ABRAXAS1: variants seen among roughly 807,000 people sequenced by gnomAD.
ABRAXAS1 encodes the protein BRCA1-A complex subunit Abraxas 1.
In ABRAXAS1, 26 loss-of-function variants were observed where a neutral mutation model predicts 38.4. The observed-to-expected ratio is 0.68, with a 90% CI of 0.50 to 0.94. The LOEUF (loss-of-function observed/expected upper bound fraction) is 0.94. ABRAXAS1 is among the 40% of genes least tolerant of loss of function. ABRAXAS1 has a pLI of 0.00. For missense variants in ABRAXAS1, 438 were observed against 481.9 expected (o/e 0.91, Z 0.85); for synonymous variants, 144 against 165.5 (o/e 0.87, Z 1.00).
rs772340810 is a variant in ABRAXAS1, at chr4:83,485,031, C to A, written c.42G>T (p.Val14=). ...ESTSAVLSGF[V]LGALAFQHLN... is the part of the protein sequence containing the mutation. ...GGTGCTGGAAAGCGAGTGCGCCGAG[C>A]ACAAAGCCCGAGAGCACCGCCGACG... The change falls in exon 1 of 9, where the codon GTG becomes GTT. Residue 14 remains valine, a synonymous_variant. Coordinates refer to ENST00000321945, the MANE Select transcript of ABRAXAS1 (RefSeq NM_139076.3). The A allele has an allele frequency of 6.3e-7, 1 of 1,596,828 alleles. No homozygotes were observed. The highest frequency in any genetic ancestry group is 1.7e-5 in the Admixed American group (1 of 58,776).
chr4:83,468,750 G>A (rs2110038414), intron 6 of ABRAXAS1, among the ~76,000 whole-genome samples: 1 of 152,072 alleles, frequency 6.6e-6, no homozygotes, highest in African/African-American at 2.4e-5. Flanking sequence ...GTGTTGCCCA[G>A]GCTAGTCTCC....
Position 83,467,280 on chromosome 4 carries a change from C to T in ABRAXAS1, c.681+174G>A, listed in dbSNP as rs1318740091. Reference sequence around the variant, plus strand: ...ATAGGTTTGTGTAAGTATATGTTTGCACAATGATAAAACTGCCTAATGACA... The same window carrying T: ...ATAGGTTTGTGTAAGTATATGTTTGTACAATGATAAAACTGCCTAATGACA... On this transcript the variant is annotated intron_variant, in intron 7 of 8. Transcript: ENST00000321945. 5.9e-6 allele frequency: 3 copies of T among 509,358 alleles called. No individual in the cohort carries two copies. In the African/African-American group the frequency reaches 6.1e-5, roughly 10 times the overall value. The allele number at this position is 509,358 out of a possible 1,614,324, so 31.6% of individuals were successfully genotyped here. A position where few individuals can be genotyped will look rare whatever the true frequency, so the allele number is the denominator to read the frequency against.
chr4:83,469,268 C>A, intron 5 of ABRAXAS1, 117 bp from the exon 6 acceptor site: 1 of 834,958 alleles, frequency 1.2e-6, no homozygotes, highest in Non-Finnish European at 1.9e-6. Context: ...CCCCAAAACC[C>A]ATTCTTTACT....
intron 2 of ABRAXAS1, 104 bp from the exon 3 acceptor site, chr4:83,476,783 T>C (rs1722786681): frequency 1.5e-6 from 1 of 670,004 alleles, no homozygotes; most frequent in Non-Finnish European, 2.6e-6. Context: ...ACTTTACCAC[T>C]GATTATCTGA....
intron 7 of ABRAXAS1, among the ~76,000 whole-genome samples, chr4:83,464,297 C>A (rs1221464678): frequency 6.6e-6 from 1 of 152,202 alleles, no homozygotes; most frequent in Non-Finnish European, 1.5e-5. Flanking sequence ...GACTATCTTA[C>A]TATTACGAAA....
In ABRAXAS1 at chr4:83,465,241, A is replaced by G. The variant is rs59326607; in HGVS notation, c.682-1633T>C. On this transcript the variant is annotated intron_variant, in intron 7 of 8. Coordinates refer to ENST00000321945, the MANE Select transcript of ABRAXAS1 (RefSeq NM_139076.3). Reference sequence around the variant, plus strand: ...AACCAGGGAGGCGGAGGTTACAGTGAGCCAAGATCATGCCATTCATTGCAC... The same window carrying G: ...AACCAGGGAGGCGGAGGTTACAGTGGGCCAAGATCATGCCATTCATTGCAC... Among the ~76,000 whole-genome samples the G allele has an allele frequency of 9.2e-3, 1,338 of 145,234 alleles. 18 individuals are homozygous for G. The highest frequency in any genetic ancestry group is 0.032 in the African/African-American group (1,260 of 39,950).
intron 2 of ABRAXAS1, chr4:83,480,194 C>G: frequency 4.2e-6 from 1 of 240,930 alleles, no homozygotes; most frequent in Non-Finnish European, 8.5e-6. Context: ...CATGGTGAAA[C>G]CCCATCTCTA....
rs1361215787 is a variant in ABRAXAS1, at chr4:83,462,266, G to A, written c.*203C>T. 1 of 536,164 alleles carries A rather than the reference G, an allele frequency of 1.9e-6. No individual in the cohort carries two copies. Among genetic ancestry groups the A allele is most frequent in the Non-Finnish European group, 3.3e-6 (1 of 306,706 alleles). 33.2% of individuals were successfully genotyped at this position (536,164 alleles called of 1,614,324 possible). ...CAACTTAGTGAAAGGTGAAAAAAAG[G>A]TTTGGAAATAAAAGCATCTGATGTT... On this transcript the variant is annotated 3_prime_UTR_variant, in exon 9 of 9. Coordinates refer to ENST00000321945, the MANE Select transcript of ABRAXAS1 (RefSeq NM_139076.3).
chr4:83,467,656 C>G (rs1332482043), intron 6 of ABRAXAS1, 118 bp from the exon 7 acceptor site: 12 of 617,428 alleles, frequency 1.9e-5, no homozygotes, highest in Non-Finnish European at 2.9e-5. Flanking sequence ...TTGTAGGAAC[C>G]ATAATTTTGT....
At chr4:83,473,102 A>C (rs1722642675) in intron 3 of ABRAXAS1, among the ~76,000 whole-genome samples, 1 of 151,920 alleles carries the variant, frequency 6.6e-6, no homozygotes, top group Non-Finnish European at 1.5e-5. Context: ...AATGTGGCAA[A>C]ACCCTGTCTA....
chr4:83,460,775 G>A lies in ABRAXAS1; in HGVS notation c.*1694C>T. On this transcript the variant is annotated 3_prime_UTR_variant, in exon 9 of 9. Coordinates refer to ENST00000321945, the MANE Select transcript of ABRAXAS1 (RefSeq NM_139076.3). ...AAAAAAATTATCCGGGTGTGGCGGT[G>A]CATGCCTGTAATTCCAGTTACTAAG... is the stretch of plus-strand genomic sequence containing the variant. 5.6e-6 allele frequency: 3 copies of A among 536,366 alleles called. No individual in the cohort carries two copies. The highest frequency in any genetic ancestry group is 1.0e-5 in the Non-Finnish European group (3 of 297,336). 33.2% of individuals were successfully genotyped at this position (536,366 alleles called of 1,614,324 possible).
intron 7 of ABRAXAS1, among the ~76,000 whole-genome samples, chr4:83,465,004 A>G (rs886394989): frequency 6.6e-6 from 1 of 152,192 alleles, no homozygotes; most frequent in Non-Finnish European, 1.5e-5. Context: ...ACTGCCATTA[A>G]AAATAAAGAG....
intron 5 of ABRAXAS1, chr4:83,469,957 T>G (rs1341877235): frequency 2.9e-6 from 1 of 345,050 alleles, no homozygotes; most frequent in Non-Finnish European, 5.2e-6. Context: ...CCACCTTAAG[T>G]AGTAAATAAG....
intron 3 of ABRAXAS1, among the ~76,000 whole-genome samples, chr4:83,472,924 C>A (rs1722635190): frequency 6.6e-6 from 1 of 152,084 alleles, no homozygotes; most frequent in South Asian, 2.1e-4. Context: ...CTTCTTTTTA[C>A]CACTCATTAA....
At position 83,478,687 on chromosome 4, in the gene ABRAXAS1, A is replaced by G. The variant is rs980066217; in HGVS notation, c.179-2008T>C. On this transcript the variant is annotated intron_variant, in intron 2 of 8. Transcript: ENST00000321945. ...CTTCTATGAAGATGGATACTAATGG[A>G]TGACACTGAAAATGGCCTGCTTTCC... 3.5e-4 allele frequency: 62 copies of G among 179,600 alleles called. 1 individual carries two copies. Among genetic ancestry groups the G allele is most frequent in the African/African-American group, 1.4e-3 (57 of 41,812 alleles). 11.1% of individuals were successfully genotyped at this position (179,600 alleles called of 1,614,324 possible).
In ABRAXAS1 at chr4:83,460,933, T is replaced by C. The variant is rs370198625; in HGVS notation, c.*1536A>G. ...AAAAAAAAATTGCAAACTTTAAATA[T>C]TGACATTTTTTATGAATAAGAAAGC... is the stretch of plus-strand genomic sequence containing the variant. On this transcript the variant is annotated 3_prime_UTR_variant, in exon 9 of 9. Coordinates refer to ENST00000321945, the MANE Select transcript of ABRAXAS1 (RefSeq NM_139076.3). 235 of 1,564,532 alleles carry C rather than the reference T, an allele frequency of 1.5e-4. No individual in the cohort carries two copies. Among genetic ancestry groups the C allele is most frequent in the Middle Eastern group, 3.7e-4 (2 of 5,388 alleles).
chr4:83,481,288 C>T (rs901229226), intron 2 of ABRAXAS1, among the ~76,000 whole-genome samples: 37 of 152,090 alleles, frequency 2.4e-4, no homozygotes, highest in Non-Finnish European at 5.9e-5. Flanking sequence ...CTATATTAGA[C>T]AATCAGAAAA....
At chr4:83,463,413 A>T in intron 8 of ABRAXAS1, 81 bp downstream of exon 8, 2 of 1,002,508 alleles carry the variant, frequency 2.0e-6, no homozygotes, top group Non-Finnish European at 2.9e-6. Flanking sequence ...AACCTAGGCG[A>T]CAGAGCGAGA....
chr4:83,474,854 A>G (rs1722711343), intron 3 of ABRAXAS1, among the ~76,000 whole-genome samples: 1 of 152,236 alleles, frequency 6.6e-6, no homozygotes. Flanking sequence ...TTAGAGCTCA[A>G]GAAATCCTTA....
Sources: gnomAD v4.1 joint callset for allele counts (sites outside exome capture counted in the v4.1 genomes callset) on GRCh38, gnomAD v4.1.1 for gene constraint, MANE v1.5 for transcripts, NCBI Gene and HGNC (gene_info 2026-07-23, HGNC 2026-07-21) for gene names.